NTRK3: variants seen among roughly 807,000 people sequenced by gnomAD.
The protein encoded by NTRK3 is neurotrophic receptor tyrosine kinase 3, also known as NT-3 growth factor receptor.
Under a neutral mutation model 91.7 loss-of-function variants are expected in NTRK3, and 24 were observed. The observed-to-expected ratio is 0.26, with a 90% CI of 0.19 to 0.37. The LOEUF is 0.37. NTRK3 is among the 10% of genes least tolerant of loss of function. The probability of loss-of-function intolerance (pLI) is 1.00; values close to 1 mark genes in which losing one functional copy is unlikely to be tolerated. For missense variants in NTRK3, 880 were observed against 1,068.9 expected (o/e 0.82, Z 2.46); for synonymous variants, 483 against 404.0 (o/e 1.20, Z -2.34).
In NTRK3 at chr15:87,882,353, T is replaced by C. The variant is rs1239565756; in HGVS notation, c.2134-1925A>G. Among the ~76,000 whole-genome samples the C allele has an allele frequency of 2.6e-5, 4 of 152,272 alleles. No individual in the cohort carries two copies. In the East Asian group the frequency reaches 7.7e-4, roughly 29 times the overall value. The stretch of plus-strand genomic sequence containing the variant: ...AGGAGCCAAGCTAATTGAATACATA[T>C]TCTAGAAAAACAGTAAAAATAACCC... On this transcript the variant is annotated intron_variant, in intron 17 of 18. Coordinates refer to ENST00000394480, the Ensembl canonical transcript of NTRK3.
chr15:88,222,913 G>A (rs1863484), intron 3 of NTRK3, among the ~76,000 whole-genome samples: 118,824 of 152,128 alleles, frequency 0.78, 48,287 homozygotes, highest in East Asian at 0.96. Context: ...TGAGACCAAG[G>A]GGTCCCTGAG....
chr15:88,203,040 T>C (rs2048438370), intron 3 of NTRK3, among the ~76,000 whole-genome samples: 1 of 152,200 alleles, frequency 6.6e-6, no homozygotes, highest in South Asian at 2.1e-4. Context: ...TCTCTCTTCC[T>C]GAGAGCTTTC....
intron 5 of NTRK3, among the ~76,000 whole-genome samples, chr15:88,182,735 C>A (rs1468728243): frequency 6.6e-6 from 1 of 152,218 alleles, no homozygotes; most frequent in Non-Finnish European, 1.5e-5. Context: ...CAGGAAATGG[C>A]AGTCCTCATT....
chr15:88,091,901 T>A (rs2049052086), intron 13 of NTRK3, among the ~76,000 whole-genome samples: 1 of 152,182 alleles, frequency 6.6e-6, no homozygotes, highest in South Asian at 2.1e-4. Flanking sequence ...CAAGAACACA[T>A]ATCAGAATGC....
intron 13 of NTRK3, among the ~76,000 whole-genome samples, chr15:88,067,416 A>G (rs2046746186): frequency 1.3e-5 from 2 of 152,090 alleles, no homozygotes; most frequent in South Asian, 2.1e-4. Context: ...CTCTCTGTCT[A>G]TAGTATTTAT....
At chr15:88,115,713 T>C (rs967371957) in intron 13 of NTRK3, among the ~76,000 whole-genome samples, 6 of 151,876 alleles carry the variant, frequency 4.0e-5, no homozygotes, top group Non-Finnish European at 8.8e-5. Context: ...CTGCAGTAAA[T>C]TGGAGGGCAG....
chr15:88,252,484 G>T (rs1006296315), intron 3 of NTRK3: 1 of 152,316 alleles, frequency 6.6e-6, no homozygotes, highest in Non-Finnish European at 1.5e-5. Flanking sequence ...CTAAGAGCCC[G>T]TGGTCTTTGC....
At chr15:88,191,592 G>C (rs1433930084) in intron 3 of NTRK3, among the ~76,000 whole-genome samples, 1 of 152,184 alleles carries the variant, frequency 6.6e-6, no homozygotes, top group African/African-American at 2.4e-5. Context: ...GTCAGCATTG[G>C]AGCACACACA....
intron 14 of NTRK3, among the ~76,000 whole-genome samples, chr15:88,001,906 C>A (rs1006953849): frequency 6.6e-6 from 1 of 152,200 alleles, no homozygotes; most frequent in African/African-American, 2.4e-5. Flanking sequence ...GTGGTTAAAT[C>A]TGCAGGTCAA....
chr15:88,084,814 C>T (rs1197743845), intron 13 of NTRK3, among the ~76,000 whole-genome samples: 2 of 152,172 alleles, frequency 1.3e-5, no homozygotes, highest in Non-Finnish European at 2.9e-5. Context: ...AATGGGTGCA[C>T]AGCTGAGCAG....
intron 14 of NTRK3, among the ~76,000 whole-genome samples, chr15:87,953,797 A>G (rs1263491726): frequency 6.6e-6 from 1 of 151,938 alleles, no homozygotes; most frequent in Non-Finnish European, 1.5e-5. Context: ...TTCAGAAGAG[A>G]TTGCTGCTTC....
rs565922019 is a variant in NTRK3, at chr15:88,065,632, C to A, written c.1397-32587G>T. 1.2e-4 allele frequency among the ~76,000 whole-genome samples: 19 copies of A among 152,294 alleles called. No individual in the cohort carries two copies. In the East Asian group the frequency reaches 3.7e-3, roughly 29 times the overall value. ...CATGATTTTTGTTCTCATAAATCCT[C>A]TGGGTACAAGTCCAGCTAGAAACTT... is the stretch of plus-strand genomic sequence containing the variant. On this transcript the variant is annotated intron_variant, in intron 13 of 18. Transcript: ENST00000394480.
chr15:88,219,364 G>A (rs2050056698), intron 3 of NTRK3, among the ~76,000 whole-genome samples: 1 of 152,248 alleles, frequency 6.6e-6, no homozygotes, highest in African/African-American at 2.4e-5. Flanking sequence ...ACAGACGGGG[G>A]CCAAGAGGAG....
chr15:88,158,104 G>A (rs2044089516), intron 5 of NTRK3, among the ~76,000 whole-genome samples: 1 of 151,974 alleles, frequency 6.6e-6, no homozygotes, highest in African/African-American at 2.4e-5. Context: ...TTGCTCATCT[G>A]GAAGTTGGGA....
At chr15:88,183,668 T>C (rs1036044235) in intron 4 of NTRK3, among the ~76,000 whole-genome samples, 179 bp from the exon 5 acceptor site, 1 of 152,202 alleles carries the variant, frequency 6.6e-6, no homozygotes, top group Non-Finnish European at 1.5e-5. Context: ...TGGAGGCACC[T>C]GGGCTCACAC....
intron 13 of NTRK3, among the ~76,000 whole-genome samples, chr15:88,101,779 ACAC>A (rs1275706479): frequency 1.3e-5 from 2 of 152,168 alleles, no homozygotes; most frequent in African/African-American, 2.4e-5. Flanking sequence ...AAAAAACCAA[ACAC>A]CACATGTTCT....
intron 5 of NTRK3, among the ~76,000 whole-genome samples, chr15:88,167,900 G>T (rs2045136583): frequency 6.6e-6 from 1 of 152,126 alleles, no homozygotes; most frequent in East Asian, 1.9e-4. Context: ...TAACTGAAAG[G>T]CCTAATATTT....
intron 14 of NTRK3, among the ~76,000 whole-genome samples, chr15:88,001,122 G>T (rs1403841174): frequency 6.6e-6 from 1 of 152,030 alleles, no homozygotes; most frequent in East Asian, 1.9e-4. Context: ...CTTTTCCTGT[G>T]CTTATTGGCT....
At chr15:88,188,043 G>A (rs2047085342) in intron 3 of NTRK3, among the ~76,000 whole-genome samples, 2 of 152,166 alleles carry the variant, frequency 1.3e-5, no homozygotes, top group Admixed American at 6.5e-5. Flanking sequence ...CCACAGGCTG[G>A]ACCAGCTCAT....
Sources: gnomAD v4.1 joint callset for allele counts (sites outside exome capture counted in the v4.1 genomes callset) on GRCh38, gnomAD v4.1.1 for gene constraint, MANE v1.5 for transcripts, NCBI Gene and HGNC (gene_info 2026-07-23, HGNC 2026-07-21) for gene names.